PSMC2: variants seen among roughly 807,000 people sequenced by gnomAD.
PSMC2 encodes 26S proteasome regulatory subunit 7.
A neutral mutation model predicts 53.3 loss-of-function variants in PSMC2; 7 were observed. That is an observed-to-expected ratio of 0.13 (90% confidence interval 0.07 to 0.25). PSMC2 has a LOEUF of 0.25. PSMC2 is among the 10% of genes least tolerant of loss of function. PSMC2 has a pLI of 1.00. For synonymous variants in PSMC2, 169 were observed against 183.9 expected (o/e 0.92, Z 0.66); for missense variants, 241 against 544.0 (o/e 0.44, Z 5.54).
chr7:103,347,734 A>G lies in PSMC2; in HGVS notation c.23A>G (p.Asp8Gly), dbSNP rs1819634784. Residue 8 changes from aspartate (D) to glycine (G), a missense_variant, in exon 1 of 12, where the codon GAT becomes GGT. Physicochemically the swap from Asp to Gly is moderately conservative, Grantham distance 94. Coordinates refer to ENST00000292644, the MANE Select transcript of PSMC2 (RefSeq NM_002803.4). ...AAAATGCCGGATTACCTCGGTGCCG[A>G]TCAGCGGAAGACCAAAGAGGATGAG... MPDYLGADQRKTKEDEKD... is the reference protein window; with the variant it reads MPDYLGAGQRKTKEDEKD... 6.2e-7 allele frequency: 1 copy of G among 1,613,854 alleles called. No homozygotes were observed. The highest frequency in any genetic ancestry group is 8.5e-7 in the Non-Finnish European group (1 of 1,179,876).
intron 4 of PSMC2, 68 bp downstream of exon 4, chr7:103,355,861 A>C: frequency 2.5e-5 from 27 of 1,091,790 alleles, no homozygotes; most frequent in Non-Finnish European, 3.1e-5. Context: ...TTAGAGTCTC[A>C]GGGATAATGC....
At chr7:103,355,553 C>T in intron 3 of PSMC2, 141 bp from the exon 4 acceptor site, 1 of 584,394 alleles carries the variant, frequency 1.7e-6, no homozygotes, top group Non-Finnish European at 3.0e-6. Context: ...GCCAGGGATG[C>T]TACTAAACAG....
intron 1 of PSMC2, 56 bp from the exon 2 acceptor site, chr7:103,353,864 TA>T: frequency 6.8e-7 from 1 of 1,478,578 alleles, no homozygotes; most frequent in Non-Finnish European, 9.3e-7. Flanking sequence ...GTTTCTTTTT[TA>T]AAAATTTTAA....
Position 103,367,817 on chromosome 7 carries a change from G to T in PSMC2, c.1144+8G>T. The T allele has an allele frequency of 3.1e-6, 5 of 1,612,830 alleles. No homozygotes were observed. Among genetic ancestry groups the T allele is most frequent in the South Asian group, 2.2e-5 (2 of 90,846 alleles). On this transcript the variant is annotated splice_region_variant and intron_variant, in intron 11 of 11. Transcript: ENST00000292644. The surrounding 1 kb of genome is among the most constrained non-coding windows in gnomAD (Gnocchi z 6.1). ...TGTGTCCAAATAGCACTGGTAAGTAGAAAGTTCTTGCTTATATTTGCTGGT... is the reference window on the plus strand; with the variant it reads ...TGTGTCCAAATAGCACTGGTAAGTATAAAGTTCTTGCTTATATTTGCTGGT...
At position 103,367,593 on chromosome 7, in the gene PSMC2, AATTTAGCT is replaced by A; in HGVS notation, c.1026_1033del (p.Glu342AspfsTer12). The A allele has an allele frequency of 6.2e-7, 1 of 1,614,108 alleles. No individual in the cohort carries two copies. The highest frequency in any genetic ancestry group is 8.5e-7 in the Non-Finnish European group (1 of 1,180,006). ...CCAGGGAGATTGGATAGAAAAATTG[AATTTAGCT>A]TGCCCGATCTAGAGGTAAGAAAACC... On this transcript the variant is annotated frameshift_variant, in exon 10 of 12. Transcript: ENST00000292644. LOFTEE classifies it high-confidence loss of function. The surrounding 1 kb of genome is among the most constrained non-coding windows in gnomAD (Gnocchi z 6.1).
chr7:103,347,695 C>T lies in PSMC2; in HGVS notation c.-17C>T, dbSNP rs138514927. ...CTGTGTAATCATTAAGGAGCGGAGG[C>T]TTTTGGAGCTGCTAAAATGCCGGAT... On this transcript the variant is annotated 5_prime_UTR_variant, in exon 1 of 12. Coordinates refer to ENST00000292644, the MANE Select transcript of PSMC2 (RefSeq NM_002803.4). 4.3e-6 allele frequency: 7 copies of T among 1,613,666 alleles called. No individual in the cohort carries two copies. The highest frequency in any genetic ancestry group is 2.2e-5 in the South Asian group (2 of 91,064).
intron 1 of PSMC2, chr7:103,348,479 T>C: frequency 1.7e-6 from 1 of 572,574 alleles, no homozygotes; most frequent in East Asian, 3.4e-5. Flanking sequence ...TGCATCTGCA[T>C]AGTATCCTGT....
Position 103,364,250 on chromosome 7 carries a change from T to C in PSMC2, c.699T>C (p.Thr233=). The C allele has an allele frequency of 6.2e-7, 1 of 1,614,244 alleles. No homozygotes were observed. Among genetic ancestry groups the C allele is most frequent in the East Asian group, 2.2e-5 (1 of 44,888 alleles). The change falls in exon 8 of 12, where the codon ACT becomes ACC. Residue 233 remains threonine (T), a synonymous_variant. Transcript: ENST00000292644. ...GTGCGCGGGCAGTTGCTAATCGGAC[T>C]GATGCGTGCTTCATTCGAGTTATTG... ...TLCARAVANR[T]DACFIRVIGS...
intron 5 of PSMC2, 172 bp downstream of exon 5, chr7:103,362,260 CCA>C: frequency 1.4e-6 from 2 of 1,416,392 alleles, no homozygotes; most frequent in Non-Finnish European, 1.8e-6. Flanking sequence ...TCCTAACTTC[CCA>C]TCGGCTTCGC....
rs1386852125 is a variant in PSMC2, at chr7:103,354,084, TAAAATA to T, written c.108+131_108+136del. 4.2e-6 allele frequency: 3 copies of T among 718,186 alleles called. No individual in the cohort carries two copies. The African/African-American group carries it at 5.5e-5, about 13-fold the overall frequency. 44.5% of individuals were successfully genotyped at this position (718,186 alleles called of 1,614,324 possible). The stretch of plus-strand genomic sequence containing the variant: ...AAAAATTAAAAAACCAAACAAAAAA[TAAAATA>T]AAAAGAAACAATTAGAAAAGAATGT... On this transcript the variant is annotated intron_variant, in intron 2 of 11. Transcript: ENST00000292644.
At chr7:103,358,037 C>G (rs148547404) in intron 4 of PSMC2, among the ~76,000 whole-genome samples, 64 of 152,324 alleles carry the variant, frequency 4.2e-4, no homozygotes, top group African/African-American at 1.5e-3. Flanking sequence ...CCCTTTACCT[C>G]TCTCCTGTTG....
chr7:103,365,125 A>G (rs573408769), intron 8 of PSMC2, among the ~76,000 whole-genome samples: 110 of 151,914 alleles, frequency 7.2e-4, no homozygotes, highest in African/African-American at 2.4e-3. Flanking sequence ...GTCAAATTCA[A>G]TGATCAGGAA....
chr7:103,351,862 A>G (rs1207133964), intron 1 of PSMC2, among the ~76,000 whole-genome samples: 1 of 151,472 alleles, frequency 6.6e-6, no homozygotes, highest in Non-Finnish European at 1.5e-5. Flanking sequence ...ACATTTAGTC[A>G]TTTGCCATGT....
In PSMC2 at chr7:103,367,702, C is replaced by T. The variant is rs1820786780; in HGVS notation, c.1048-11C>T. 2 of 1,608,682 alleles carry T rather than the reference C, an allele frequency of 1.2e-6. No homozygotes were observed. Among genetic ancestry groups the T allele is most frequent in the Non-Finnish European group, 1.7e-6 (2 of 1,178,244 alleles). ...TTCCATTTTAATATTTGTCAATTTT[C>T]TCATTTTTAGGGTCGGACCCACATA... On this transcript the variant is annotated splice_polypyrimidine_tract_variant and intron_variant, in intron 10 of 11. Coordinates refer to ENST00000292644, the MANE Select transcript of PSMC2 (RefSeq NM_002803.4). This position sits in a 1 kb window ranked among gnomAD's most constrained non-coding sequence, Gnocchi z 6.1.
chr7:103,357,123 C>G (rs1820079954), intron 4 of PSMC2, among the ~76,000 whole-genome samples: 1 of 151,970 alleles, frequency 6.6e-6, no homozygotes, highest in Admixed American at 6.6e-5. Flanking sequence ...GTCAGGAGTT[C>G]AAGACCAGCC....
rs1435058102 is a variant in PSMC2 at position 103,347,797 on chromosome 7, C to T, written c.70+16C>T. The T allele has an allele frequency of 6.2e-7, 1 of 1,613,472 alleles. No individual in the cohort carries two copies. Among genetic ancestry groups the T allele is most frequent in the African/African-American group, 1.3e-5 (1 of 74,908 alleles). Reference sequence around the variant, plus strand: ...CCCATCCGAGGTCAGTTGACATGGGCCGGAGCTCGGAGCTGGGGCGGGACT... The same window carrying T: ...CCCATCCGAGGTCAGTTGACATGGGTCGGAGCTCGGAGCTGGGGCGGGACT... On this transcript the variant is annotated intron_variant, in intron 1 of 11. Coordinates refer to ENST00000292644, the MANE Select transcript of PSMC2 (RefSeq NM_002803.4).
chr7:103,366,031 T>C, intron 8 of PSMC2, 45 bp from the exon 9 acceptor site: 2 of 1,484,480 alleles, frequency 1.3e-6, no homozygotes, highest in Non-Finnish European at 1.9e-6. Flanking sequence ...TATTTTAAAA[T>C]ATTTTGAAAC....
intron 1 of PSMC2, among the ~76,000 whole-genome samples, chr7:103,351,588 A>G (rs1253837802): frequency 1.3e-5 from 2 of 152,226 alleles, no homozygotes; most frequent in Non-Finnish European, 2.9e-5. Context: ...TTTTAAGCAC[A>G]GTGAACCACC....
chr7:103,353,461 C>T (rs1819843907), intron 1 of PSMC2, among the ~76,000 whole-genome samples: 2 of 152,176 alleles, frequency 1.3e-5, no homozygotes, highest in Non-Finnish European at 2.9e-5. Context: ...CATGCGCCAC[C>T]ATGCCAGGCC....
Sources: allele counts gnomAD v4.1 joint callset (sites outside exome capture counted in the v4.1 genomes callset), GRCh38; gene constraint gnomAD v4.1.1; non-coding constraint Gnocchi (gnomAD v3.1); transcripts MANE v1.5; gene names NCBI Gene and HGNC (gene_info 2026-07-23, HGNC 2026-07-21).